The following ATP2B4 variants were observed in gnomAD, a reference collection of about 807,000 sequenced individuals.
ATP2B4 encodes ATPase plasma membrane Ca2+ transporting 4, also known as plasma membrane calcium-transporting ATPase 4.
ATP2B4 carries 39 observed loss-of-function variants against 110.3 expected under a neutral mutation model. That is an observed-to-expected ratio of 0.35 (90% CI 0.27 to 0.46). The LOEUF (loss-of-function observed/expected upper bound fraction) is 0.46, where lower values mean the gene tolerates loss of function less well. Ranked by LOEUF, ATP2B4 falls within the 20% of genes least tolerant of loss-of-function variation. ATP2B4 has a pLI of 1.00. For synonymous variants in ATP2B4, 538 were observed against 571.7 expected, an observed-to-expected ratio of 0.94 and a Z score of 0.84; for missense variants, 1,135 against 1,530.9, an observed-to-expected ratio of 0.74 and a Z score of 4.32.
At chr1:203,699,767 G>C in intron 4 of ATP2B4, 50 bp downstream of exon 4, 1 of 1,603,682 alleles carries the variant, frequency 6.2e-7, no homozygotes, top group Non-Finnish European at 8.5e-7. Flanking sequence ...CCCCATTTAA[G>C]GGATAGGTCC....
At position 203,683,085 on chromosome 1, in the gene ATP2B4, A is replaced by G; in HGVS notation, c.-121A>G. 1 of 1,124,486 alleles carries G rather than the reference A, an allele frequency of 8.9e-7. No individual in the cohort carries two copies. The highest frequency in any genetic ancestry group is 3.1e-4 in the Middle Eastern group (1 of 3,254). 69.7% of individuals were successfully genotyped at this position (1,124,486 alleles called of 1,614,324 possible). On this transcript the variant is annotated 5_prime_UTR_variant, in exon 2 of 21. Coordinates refer to ENST00000357681, the MANE Select transcript of ATP2B4 (RefSeq NM_001684.5). Reference sequence around the variant, plus strand: ...CAAGATATATTCAATCTATTCCCTCACTGGGCCCCCAGAGAAGCAAGAAGT... The same window carrying G: ...CAAGATATATTCAATCTATTCCCTCGCTGGGCCCCCAGAGAAGCAAGAAGT...
At chr1:203,646,388 GA>G (rs1453194359) in intron 1 of ATP2B4, among the ~76,000 whole-genome samples, 1 of 152,152 alleles carries the variant, frequency 6.6e-6, no homozygotes, top group Non-Finnish European at 1.5e-5. Context: ...TGAGGCAGAA[GA>G]ATTGCTTGAG....
chr1:203,656,757 T>A (rs930142723), intron 1 of ATP2B4, among the ~76,000 whole-genome samples: 2 of 152,214 alleles, frequency 1.3e-5, no homozygotes, highest in African/African-American at 4.8e-5. Context: ...TATTTGTATA[T>A]TTGCTTTTTT....
intron 1 of ATP2B4, among the ~76,000 whole-genome samples, chr1:203,653,746 G>A (rs527750648): frequency 3.3e-5 from 5 of 151,436 alleles, no homozygotes; most frequent in Admixed American, 6.6e-5. Context: ...TAGTAGAGAC[G>A]GGGTTTCACC....
At chr1:203,687,846 A>T (rs10900589) in intron 2 of ATP2B4, among the ~76,000 whole-genome samples, 126,503 of 151,908 alleles carry the variant, frequency 0.83, 53,492 homozygotes, top group East Asian at 1. Context: ...TAGCTAAGAT[A>T]CTCTGTGAGA....
chr1:203,711,566 G>C (rs548746065), intron 12 of ATP2B4, among the ~76,000 whole-genome samples: 1 of 152,214 alleles, frequency 6.6e-6, no homozygotes, highest in Non-Finnish European at 1.5e-5. Context: ...AAATTACAAA[G>C]AGCTGATATG....
chr1:203,660,250 G>T (rs1024190947), intron 1 of ATP2B4, among the ~76,000 whole-genome samples: 8 of 152,140 alleles, frequency 5.3e-5, no homozygotes, highest in Admixed American at 3.9e-4. Context: ...CCAAGACCAT[G>T]AGTTTTTTGG....
Position 203,707,868 on chromosome 1 carries a change from A to T in ATP2B4, c.1321A>T (p.Met441Leu). ...ISLAYSVKKM[M>L]KDNNLVRHLD... ...TTTCTCTTCTCCTTTGTAGAAAATG[A>T]TGAAAGACAATAACCTAGTACGGCA... is the stretch of plus-strand genomic sequence containing the variant. Residue 441 changes from methionine (M) to leucine (L), a missense_variant, in exon 10 of 21, where the codon ATG (methionine) becomes TTG (leucine). Coordinates refer to ENST00000357681, the MANE Select transcript of ATP2B4 (RefSeq NM_001684.5). 6.2e-7 allele frequency: 1 copy of T among 1,613,900 alleles called. No individual in the cohort carries two copies.
chr1:203,658,789 A>G (rs1664243699), intron 1 of ATP2B4, among the ~76,000 whole-genome samples: 1 of 151,994 alleles, frequency 6.6e-6, no homozygotes, highest in South Asian at 2.1e-4. Context: ...GTGGATCACA[A>G]GGTCAGGAGA....
chr1:203,715,573 TA>T (rs1221423170), intron 15 of ATP2B4, among the ~76,000 whole-genome samples: 4 of 142,286 alleles, frequency 2.8e-5, no homozygotes, highest in Non-Finnish European at 6.2e-5. Context: ...TTCTTTTCAT[TA>T]TATGGGGGGA....
chr1:203,642,781 A>G (rs1663671139), intron 1 of ATP2B4, among the ~76,000 whole-genome samples: 1 of 152,208 alleles, frequency 6.6e-6, no homozygotes. Context: ...AACTGGATTC[A>G]AGTCTGGCTG....
intron 8 of ATP2B4, 98 bp downstream of exon 8, chr1:203,703,911 G>A: frequency 2.1e-6 from 3 of 1,441,908 alleles, no homozygotes; most frequent in Non-Finnish European, 1.8e-6. Flanking sequence ...CTGGCAGAAA[G>A]AAGCTGAAAC....
chr1:203,680,152 T>TGCTAATGGTTATAACCTA (rs1036700033), intron 1 of ATP2B4, among the ~76,000 whole-genome samples: 1 of 152,116 alleles, frequency 6.6e-6, no homozygotes, highest in Non-Finnish European at 1.5e-5. Flanking sequence ...TGGTGGTTAT[T>TGCTAATGGTTATAACCTA]GCTAATGGTT....
intron 1 of ATP2B4, among the ~76,000 whole-genome samples, chr1:203,664,529 A>G (rs1664444239): frequency 6.6e-6 from 1 of 152,144 alleles, no homozygotes; most frequent in South Asian, 2.1e-4. Context: ...ATTTTTTTAG[A>G]TGAGGAAATG....
At chr1:203,662,768 T>C (rs1664385483) in intron 1 of ATP2B4, among the ~76,000 whole-genome samples, 1 of 152,192 alleles carries the variant, frequency 6.6e-6, no homozygotes, top group Non-Finnish European at 1.5e-5. Context: ...TGCAGTAATA[T>C]GAAGAGAATA....
intron 1 of ATP2B4, among the ~76,000 whole-genome samples, chr1:203,666,705 C>G (rs1377362191): frequency 1.3e-5 from 2 of 152,158 alleles, no homozygotes; most frequent in African/African-American, 4.8e-5. Context: ...CAAGACTGTC[C>G]ATTTTCTTTG....
chr1:203,727,264 C>G, intron 19 of ATP2B4, 131 bp from the exon 20 acceptor site: 2 of 1,045,454 alleles, frequency 1.9e-6, no homozygotes, highest in South Asian at 1.6e-5. Flanking sequence ...GTGCTTCTGC[C>G]CACTGCTCTT....
rs570727976 is a variant in ATP2B4 at position 203,647,208 on chromosome 1, G to A, written c.-465+19989G>A. Among the ~76,000 whole-genome samples the A allele has an allele frequency of 1.1e-3, 164 of 152,258 alleles. 1 individual carries two copies. Among genetic ancestry groups the A allele is most frequent in the African/African-American group, 3.8e-3 (159 of 41,536 alleles). On this transcript the variant is annotated intron_variant, in intron 1 of 20. Coordinates refer to ENST00000357681, the MANE Select transcript of ATP2B4 (RefSeq NM_001684.5). ...TAATCCCAGCACTTTGGGAGGCTGA[G>A]GCTTGAGGCCAGGGTTTTAAGACCA...
At chr1:203,694,778 G>T (rs1665483665) in intron 2 of ATP2B4, among the ~76,000 whole-genome samples, 2 of 152,178 alleles carry the variant, frequency 1.3e-5, no homozygotes, top group African/African-American at 2.4e-5. Context: ...ACTAAGAACA[G>T]GAGAGGGAGG....
Sources: gnomAD v4.1 joint callset for allele counts (sites outside exome capture counted in the v4.1 genomes callset) on GRCh38, gnomAD v4.1.1 for gene constraint, MANE v1.5 for transcripts, NCBI Gene and HGNC (gene_info 2026-07-23, HGNC 2026-07-21) for gene names.